The following RNF149 variants were observed in gnomAD, a reference collection of about 807,000 sequenced individuals.
RNF149 encodes the protein ring finger protein 149.
A neutral mutation model predicts 39.0 loss-of-function variants in RNF149; 21 were observed. The ratio of observed to expected loss-of-function variants is 0.54; its 90% confidence interval spans 0.38 to 0.77. RNF149 has a LOEUF of 0.77. Ranked by LOEUF, RNF149 falls within the 30% of genes least tolerant of loss-of-function variation. The pLI is 0.00. For missense variants in RNF149, 493 were observed against 534.9 expected (o/e 0.92, Z 0.77); for synonymous variants, 209 against 213.6 (o/e 0.98, Z 0.19).
At position 101,293,929 on chromosome 2, in the gene RNF149, CT is replaced by C. The variant is rs2104415341; in HGVS notation, c.780+84del. On this transcript the variant is annotated intron_variant, in intron 3 of 6. Transcript: ENST00000295317. ...GGCCCTTCTCAATGACAAAATATTT[CT>C]GCCAATCCTTCTTTAAAATAAACAC... 4 of 755,236 alleles carry C rather than the reference CT, an allele frequency of 5.3e-6. No homozygotes were observed. In the South Asian group the frequency reaches 5.5e-5, roughly 10 times the overall value. 46.8% of individuals were successfully genotyped at this position (755,236 alleles called of 1,614,324 possible). A position where few individuals can be genotyped will look rare whatever the true frequency, so the allele number is the denominator to read the frequency against.
chr2:101,285,543 T>C (rs1682763629), intron 5 of RNF149, among the ~76,000 whole-genome samples: 1 of 152,216 alleles, frequency 6.6e-6, no homozygotes, highest in Admixed American at 6.5e-5. Flanking sequence ...GGCTAGCTAC[T>C]ACTATGATTT....
chr2:101,296,562 T>G (rs1683242443), intron 1 of RNF149, among the ~76,000 whole-genome samples: 1 of 152,060 alleles, frequency 6.6e-6, no homozygotes, highest in Non-Finnish European at 1.5e-5. Flanking sequence ...CCCAAATACA[T>G]GAAAGAATTT....
chr2:101,294,329 CT>C (rs1683138313), intron 2 of RNF149: 1 of 349,020 alleles, frequency 2.9e-6, no homozygotes. Context: ...CCATATGTAA[CT>C]TTAAGAGGTG....
intron 1 of RNF149, among the ~76,000 whole-genome samples, chr2:101,306,693 C>G (rs946704579): frequency 6.6e-6 from 1 of 152,184 alleles, no homozygotes; most frequent in South Asian, 2.1e-4. Context: ...CAGTTTCTGC[C>G]CATTCCTCTG....
At chr2:101,298,578 G>A (rs1300964494) in intron 1 of RNF149, among the ~76,000 whole-genome samples, 1 of 152,150 alleles carries the variant, frequency 6.6e-6, no homozygotes, top group Non-Finnish European at 1.5e-5. Context: ...AGCTCTGTAA[G>A]TACTGACAGT....
chr2:101,292,921 C>G (rs1488216013), intron 3 of RNF149, among the ~76,000 whole-genome samples: 1 of 151,518 alleles, frequency 6.6e-6, no homozygotes, highest in African/African-American at 2.4e-5. Context: ...CCCCAAGGAC[C>G]TTCTGAGTGA....
intron 1 of RNF149, among the ~76,000 whole-genome samples, chr2:101,295,385 T>G (rs1292003036): frequency 6.6e-6 from 1 of 152,104 alleles, no homozygotes; most frequent in South Asian, 2.1e-4. Context: ...ACTATTCCCC[T>G]GGCCGGGCAC....
intron 4 of RNF149, chr2:101,288,678 G>T: frequency 3.7e-6 from 1 of 267,380 alleles, no homozygotes; most frequent in Non-Finnish European, 7.1e-6. Flanking sequence ...TTTTTGCACT[G>T]CTAAATGTAT....
chr2:101,307,984 G>A (rs1683742146), intron 1 of RNF149, 145 bp downstream of exon 1: 1 of 1,433,176 alleles, frequency 7.0e-7, no homozygotes, highest in South Asian at 1.5e-5. Context: ...GAGCAAACGA[G>A]GGCTTCCCTG....
At chr2:101,285,619 A>C (rs963975529) in intron 5 of RNF149, among the ~76,000 whole-genome samples, 9 of 152,206 alleles carry the variant, frequency 5.9e-5, no homozygotes, top group African/African-American at 2.2e-4. Flanking sequence ...AACCAAAGTC[A>C]ATGCAGGACA....
chr2:101,299,931 A>G (rs1683387371), intron 1 of RNF149, among the ~76,000 whole-genome samples: 1 of 152,230 alleles, frequency 6.6e-6, no homozygotes, highest in Non-Finnish European at 1.5e-5. Context: ...ATAGGATCAC[A>G]GGCTTCACAG....
rs1682903492 is a variant in RNF149 at position 101,289,077 on chromosome 2, G to A, written c.781-22C>T. On this transcript the variant is annotated intron_variant, in intron 3 of 6. Coordinates refer to ENST00000295317, the MANE Select transcript of RNF149 (RefSeq NM_173647.4). ...TTCCCTGTAAAAAGAAAAGGAAAGT[G>A]TTACTACATTCTTGGTACACAGTAT... 2.9e-6 allele frequency: 4 copies of A among 1,392,230 alleles called. No homozygotes were observed. In the East Asian group the frequency reaches 9.1e-5, roughly 32 times the overall value. 86.2% of individuals were successfully genotyped at this position (1,392,230 alleles called of 1,614,324 possible). A position where few individuals can be genotyped will look rare whatever the true frequency, so the allele number is the denominator to read the frequency against.
chr2:101,277,750 C>G (rs146639931), intron 6 of RNF149, among the ~76,000 whole-genome samples: 2 of 152,202 alleles, frequency 1.3e-5, no homozygotes, highest in East Asian at 3.9e-4. Flanking sequence ...TGATAGCCAA[C>G]AAGAAAAATC....
chr2:101,294,218 G>A (rs1171137652), intron 2 of RNF149, 136 bp from the exon 3 acceptor site: 3 of 555,914 alleles, frequency 5.4e-6, no homozygotes, highest in Non-Finnish European at 9.7e-6. Flanking sequence ...TGACTATACT[G>A]AAAATAACTT....
chr2:101,299,771 A>T (rs965439032), intron 1 of RNF149, among the ~76,000 whole-genome samples: 3 of 152,222 alleles, frequency 2.0e-5, no homozygotes, highest in Admixed American at 1.3e-4. Flanking sequence ...TTTATGTCTC[A>T]CTTGAAGCAG....
Position 101,282,010 on chromosome 2 carries a change from A to G in RNF149, c.1008T>C (p.Pro336=), listed in dbSNP as rs768712335. ...VQEMPAPESP[P]GRDPAANLSL... is the part of the protein sequence containing the mutation. ...TCAAATTTGCAGCTGGATCCCTTCC[A>G]GGAGGAGATTCTGGAGCAGGCATCT... Residue 336 remains proline (P), a synonymous_variant, in exon 6 of 7, where the codon CCT becomes CCC. Transcript: ENST00000295317. 3.7e-6 allele frequency: 6 copies of G among 1,613,980 alleles called. No individual in the cohort carries two copies. The highest frequency in any genetic ancestry group is 2.2e-5 in the East Asian group (1 of 44,884).
intron 6 of RNF149, among the ~76,000 whole-genome samples, chr2:101,281,202 T>TTATAGAAAATTTCTATATGCCAGAGTGCA (rs1682571071): frequency 1.3e-5 from 2 of 151,360 alleles, no homozygotes; most frequent in Admixed American, 6.7e-5. Context: ...TTTCAAGAAA[T>TTATAGAAAATTTCTATATGCCAGAGTGCA]TATAGAAAAT....
intron 1 of RNF149, among the ~76,000 whole-genome samples, chr2:101,301,086 A>G (rs1007621318): frequency 3.3e-5 from 5 of 152,182 alleles, no homozygotes; most frequent in Non-Finnish European, 7.4e-5. Flanking sequence ...GACAGAGAAA[A>G]AGCCCTTAGA....
intron 3 of RNF149, among the ~76,000 whole-genome samples, chr2:101,290,396 C>T (rs926188536): frequency 2.6e-5 from 4 of 152,128 alleles, no homozygotes; most frequent in Non-Finnish European, 4.4e-5. Flanking sequence ...ATGATGTAGA[C>T]TGAAGAAAAC....
Sources: allele counts gnomAD v4.1 joint callset (sites outside exome capture counted in the v4.1 genomes callset), GRCh38; gene constraint gnomAD v4.1.1; transcripts MANE v1.5; gene names NCBI Gene and HGNC (gene_info 2026-07-23, HGNC 2026-07-21).